Variants in STK32B observed in about 807,000 individuals in gnomAD.
STK32B encodes serine/threonine kinase 32B.
Under a neutral mutation model 52.6 loss-of-function variants are expected in STK32B, and 43 were observed. The observed-to-expected ratio is 0.82, with a 90% CI of 0.64 to 1.05. The LOEUF (loss-of-function observed/expected upper bound fraction) is 1.05. Ranked by LOEUF, STK32B falls within the 50% of genes least tolerant of loss-of-function variation. STK32B has a pLI of 0.00. For synonymous variants in STK32B, 238 were observed against 204.3 expected, an observed-to-expected ratio of 1.17 and a Z score of -1.41; for missense variants, 621 against 534.6, an observed-to-expected ratio of 1.16 and a Z score of -1.59.
At position 5,386,806 on chromosome 4, in the gene STK32B, C is replaced by T. The variant is rs1032646586; in HGVS notation, c.435-11401C>T. Among the ~76,000 whole-genome samples, 9 of 152,198 alleles carry T rather than the reference C, an allele frequency of 5.9e-5. No individual in the cohort carries two copies. Among genetic ancestry groups the T allele is most frequent in the African/African-American group, 1.4e-4 (6 of 41,454 alleles). The stretch of plus-strand genomic sequence containing the variant: ...TGGACCCTCCATTGGGTCCAACTCT[C>T]GGATTCCAATAGAAGTCACGTGGAT... On this transcript the variant is annotated intron_variant, in intron 4 of 11. Coordinates refer to ENST00000282908, the MANE Select transcript of STK32B (RefSeq NM_018401.3). The surrounding 1 kb of genome is among the most constrained non-coding windows in gnomAD (Gnocchi z 4.5).
At chr4:5,488,603 A>G (rs1719424933) in intron 11 of STK32B, among the ~76,000 whole-genome samples, 1 of 152,202 alleles carries the variant, frequency 6.6e-6, no homozygotes, top group Non-Finnish European at 1.5e-5. Context: ...CACATAGACC[A>G]TGCATGACAT....
chr4:5,496,251 A>G (rs1034163444), intron 11 of STK32B, among the ~76,000 whole-genome samples: 97 of 152,176 alleles, frequency 6.4e-4, no homozygotes, highest in Non-Finnish European at 1.2e-3. Context: ...CTTCCAGGCC[A>G]CTTTGTTTAC....
chr4:5,180,452 C>T lies in STK32B; in HGVS notation c.260+12002C>T, dbSNP rs934891027. On this transcript the variant is annotated intron_variant, in intron 3 of 11. Transcript: ENST00000282908. ...TCACTAGTAAGTGGAGGAGATGGGA[C>T]ATGAAGCCAGGCTGTCTGGCTTCAT... 2.6e-5 allele frequency among the ~76,000 whole-genome samples: 4 copies of T among 152,146 alleles called. No individual in the cohort carries two copies. In the East Asian group the frequency reaches 7.8e-4, roughly 29 times the overall value.
chr4:5,376,591 G>A (rs1735603818), intron 4 of STK32B, among the ~76,000 whole-genome samples: 1 of 152,084 alleles, frequency 6.6e-6, no homozygotes. Context: ...TCCTCCATAA[G>A]GGCACACGGA....
At chr4:5,065,304 T>A (rs1410253041) in intron 1 of STK32B, among the ~76,000 whole-genome samples, 1 of 152,110 alleles carries the variant, frequency 6.6e-6, no homozygotes, top group East Asian at 1.9e-4. Context: ...AAACACCTAG[T>A]CTCTCTAGGG....
At chr4:5,203,232 C>G (rs1722293549) in intron 3 of STK32B, among the ~76,000 whole-genome samples, 1 of 152,224 alleles carries the variant, frequency 6.6e-6, no homozygotes, top group Admixed American at 6.5e-5. Context: ...TCATCTTTCT[C>G]AAATGCACCT....
At chr4:5,169,159 C>T (rs958094328) in intron 3 of STK32B, among the ~76,000 whole-genome samples, 4 of 152,146 alleles carry the variant, frequency 2.6e-5, no homozygotes, top group African/African-American at 4.8e-5. Context: ...GAGTGCCCCT[C>T]GCGACCTCAG....
chr4:5,171,309 T>G (rs954743034), intron 3 of STK32B, among the ~76,000 whole-genome samples: 2 of 152,104 alleles, frequency 1.3e-5, no homozygotes, highest in South Asian at 2.1e-4. Context: ...CTCTTTAGTT[T>G]AATGAGATCC....
intron 1 of STK32B, among the ~76,000 whole-genome samples, chr4:5,134,896 A>G (rs1715986247): frequency 1.3e-5 from 2 of 152,256 alleles, no homozygotes; most frequent in African/African-American, 4.8e-5. Flanking sequence ...AGCCATCTTG[A>G]AAGTTCACTC....
At chr4:5,156,859 C>T (rs369399165) in intron 2 of STK32B, among the ~76,000 whole-genome samples, 5 of 152,038 alleles carry the variant, frequency 3.3e-5, no homozygotes, top group African/African-American at 1.2e-4. Flanking sequence ...ATGATAATTC[C>T]AGACTCCATA....
intron 3 of STK32B, among the ~76,000 whole-genome samples, chr4:5,191,611 G>T (rs1203892096): frequency 6.6e-6 from 1 of 152,052 alleles, no homozygotes; most frequent in Non-Finnish European, 1.5e-5. Context: ...TTAAGGAAGG[G>T]TTTCTGCTGC....
intron 3 of STK32B, among the ~76,000 whole-genome samples, chr4:5,186,313 G>T (rs1429487238): frequency 6.6e-6 from 1 of 152,168 alleles, no homozygotes; most frequent in East Asian, 1.9e-4. Flanking sequence ...TGAGCAGTGG[G>T]CCGCTTGAGG....
chr4:5,469,755 G>A lies in STK32B; in HGVS notation c.1106+1685G>A, dbSNP rs572441248. On this transcript the variant is annotated intron_variant, in intron 11 of 11. Coordinates refer to ENST00000282908, the MANE Select transcript of STK32B (RefSeq NM_018401.3). This position sits in a 1 kb window ranked among gnomAD's most constrained non-coding sequence, Gnocchi z 4.7. ...CACATGTTGGGGTCTCCCAGCTCTGGCCAACAACACAGGAAGGGCCTCTGC... is the reference window on the plus strand; with the variant it reads ...CACATGTTGGGGTCTCCCAGCTCTGACCAACAACACAGGAAGGGCCTCTGC... Among the ~76,000 whole-genome samples, 12 of 152,300 alleles carry A rather than the reference G, an allele frequency of 7.9e-5. No homozygotes were observed. Among genetic ancestry groups the A allele is most frequent in the African/African-American group, 2.9e-4 (12 of 41,554 alleles).
intron 3 of STK32B, among the ~76,000 whole-genome samples, chr4:5,288,302 A>G (rs553918694): frequency 2.6e-5 from 4 of 152,272 alleles, no homozygotes; most frequent in African/African-American, 9.6e-5. Context: ...TTTAACATGA[A>G]GAATTGCCAG....
intron 3 of STK32B, among the ~76,000 whole-genome samples, chr4:5,321,432 T>C (rs7672207): frequency 0.029 from 4,360 of 152,266 alleles, 207 homozygotes; most frequent in African/African-American, 0.099. Context: ...TTTGGCTTCA[T>C]CTTATTTAAT....
chr4:5,074,347 A>AT (rs1421518029), intron 1 of STK32B, among the ~76,000 whole-genome samples: 11 of 151,736 alleles, frequency 7.2e-5, no homozygotes, highest in African/African-American at 2.7e-4. Flanking sequence ...GAGATATTAT[A>AT]TTTTCTAGTT....
At chr4:5,020,032 AGAAGCCGT>A in the STK32B span, among the ~76,000 whole-genome samples, 1 of 152,136 alleles carries the variant, frequency 6.6e-6, no homozygotes, top group Non-Finnish European at 1.5e-5. Context: ...CCAGCCTCTC[AGAAGCCGT>A]GTGTGTCTCT....
chr4:5,257,846 T>C (rs59425542), intron 3 of STK32B, among the ~76,000 whole-genome samples: 18,687 of 152,106 alleles, frequency 0.12, 3,167 homozygotes, highest in African/African-American at 0.38. Flanking sequence ...GGGAGGCTGA[T>C]GTAGGAGAAT....
chr4:5,453,103 G>A lies in STK32B; in HGVS notation c.667-3704G>A, dbSNP rs1351626162. Among the ~76,000 whole-genome samples the A allele has an allele frequency of 2.0e-5, 3 of 152,004 alleles. No individual in the cohort carries two copies. Among genetic ancestry groups the A allele is most frequent in the Non-Finnish European group, 4.4e-5 (3 of 68,014 alleles). On this transcript the variant is annotated intron_variant, in intron 7 of 11. Transcript: ENST00000282908. The surrounding 1 kb of genome is among the most constrained non-coding windows in gnomAD (Gnocchi z 4.0). ...GAACTTGTTTTAGTCATCATGTTCC[G>A]AACTCATTTCTAAATGTATTTCCTG...
Sources: allele counts gnomAD v4.1 joint callset (sites outside exome capture counted in the v4.1 genomes callset), GRCh38; gene constraint gnomAD v4.1.1; non-coding constraint Gnocchi (gnomAD v3.1); transcripts MANE v1.5; gene names NCBI Gene and HGNC (gene_info 2026-07-23, HGNC 2026-07-21).